Variants in POU6F2 observed in about 807,000 individuals in gnomAD.
POU6F2 encodes POU domain, class 6, transcription factor 2.
Under a neutral mutation model 71.3 loss-of-function variants are expected in POU6F2, and 31 were observed. That is an observed-to-expected ratio of 0.43 (90% confidence interval 0.33 to 0.59). POU6F2 has a LOEUF of 0.59. Ranked by LOEUF, POU6F2 falls within the 20% of genes least tolerant of loss-of-function variation. The pLI, the probability that POU6F2 is intolerant of heterozygous loss-of-function variation, is 0.04. For synonymous variants in POU6F2, 347 were observed against 355.7 expected, an observed-to-expected ratio of 0.98 and a Z score of 0.27; for missense variants, 783 against 856.8, an observed-to-expected ratio of 0.91 and a Z score of 1.07.
intron 2 of POU6F2, among the ~76,000 whole-genome samples, chr7:39,116,633 G>T (rs1791936025): frequency 6.6e-6 from 1 of 152,080 alleles, no homozygotes; most frequent in African/African-American, 2.4e-5. Context: ...GGCCCCCAAA[G>T]GCTTTCTCTT....
intron 4 of POU6F2, among the ~76,000 whole-genome samples, chr7:39,241,281 G>C (rs1489935429): frequency 6.6e-6 from 1 of 152,168 alleles, no homozygotes; most frequent in Non-Finnish European, 1.5e-5. Flanking sequence ...TCAATGGAGA[G>C]TGATTGCTCC....
At chr7:39,308,070 C>A (rs1438604830) in intron 4 of POU6F2, among the ~76,000 whole-genome samples, 1 of 152,136 alleles carries the variant, frequency 6.6e-6, no homozygotes, top group African/African-American at 2.4e-5. Flanking sequence ...CAGGTGCCAC[C>A]GAACAAAGTC....
intron 1 of POU6F2, among the ~76,000 whole-genome samples, chr7:38,998,074 A>G (rs1324341135): frequency 6.6e-6 from 1 of 152,178 alleles, no homozygotes; most frequent in Non-Finnish European, 1.5e-5. Flanking sequence ...ATTCTTTGCA[A>G]AATTCTTTTT....
At chr7:39,180,119 C>A (rs1366232482) in intron 2 of POU6F2, among the ~76,000 whole-genome samples, 1 of 152,098 alleles carries the variant, frequency 6.6e-6, no homozygotes, top group African/African-American at 2.4e-5. Flanking sequence ...GCTGGAGAGG[C>A]AAATTGGCTG....
intron 4 of POU6F2, among the ~76,000 whole-genome samples, chr7:39,333,374 A>C (rs1360565495): frequency 6.6e-6 from 1 of 152,112 alleles, no homozygotes; most frequent in South Asian, 2.1e-4. Context: ...CCAGATGTCT[A>C]TTTCTTTTCT....
At chr7:38,986,083 TG>T (rs781140841) in intron 1 of POU6F2, among the ~76,000 whole-genome samples, 11 of 152,144 alleles carry the variant, frequency 7.2e-5, no homozygotes, top group Non-Finnish European at 1.0e-4. Flanking sequence ...TTAAACATTT[TG>T]GGAATACTTG....
At chr7:39,454,703 TATATATATATATATATATATATATAA>T (rs1562559089) in intron 8 of POU6F2, among the ~76,000 whole-genome samples, 4 of 64,346 alleles carry the variant, frequency 6.2e-5, no homozygotes, top group South Asian at 6.2e-4. Context: ...TATATATATA[TATATATATATATATATATATATATAA>T]AATAAGATAT....
intron 4 of POU6F2, among the ~76,000 whole-genome samples, chr7:39,330,144 C>A (rs556954566): frequency 6.6e-6 from 1 of 152,258 alleles, no homozygotes; most frequent in African/African-American, 2.4e-5. Context: ...AGTTTACCTC[C>A]GTATTTCCAA....
At chr7:39,344,642 C>A (rs1209341119) in intron 5 of POU6F2, among the ~76,000 whole-genome samples, 1 of 102,716 alleles carries the variant, frequency 9.7e-6, no homozygotes, top group Non-Finnish European at 2.1e-5. Context: ...TGTCCTAGGC[C>A]AAACCCCCTC....
At chr7:39,423,271 G>A (rs1787894713) in intron 6 of POU6F2, among the ~76,000 whole-genome samples, 1 of 152,136 alleles carries the variant, frequency 6.6e-6, no homozygotes. Context: ...CTGCCTACAG[G>A]GAGCCTAGGT....
intron 4 of POU6F2, among the ~76,000 whole-genome samples, chr7:39,233,898 A>G (rs1584616247): frequency 1.3e-5 from 2 of 152,138 alleles, no homozygotes; most frequent in South Asian, 2.1e-4. Flanking sequence ...AAATCAGAGC[A>G]TGGGGATATT....
chr7:39,067,872 C>T (rs955755765), intron 1 of POU6F2, among the ~76,000 whole-genome samples: 6 of 151,996 alleles, frequency 3.9e-5, no homozygotes, highest in Non-Finnish European at 7.4e-5. Flanking sequence ...AATAAAATGC[C>T]ACTTTCCATC....
At chr7:38,999,849 T>C (rs2128699187) in intron 1 of POU6F2, among the ~76,000 whole-genome samples, 1 of 152,324 alleles carries the variant, frequency 6.6e-6, no homozygotes, top group African/African-American at 2.4e-5. Context: ...GAAAAGGGGA[T>C]CAATTCAACA....
Position 39,437,230 on chromosome 7 carries a change from A to C in POU6F2, c.1320+3947A>C, listed in dbSNP as rs746505020. 2.6e-4 allele frequency among the ~76,000 whole-genome samples: 40 copies of C among 152,314 alleles called. 1 individual carries two copies. The highest frequency in any genetic ancestry group is 6.8e-3 in the Middle Eastern group (2 of 294). ...CCTTTTTGTATTTCTGGTAGAATTC[A>C]GCTGTGACTCCATGTGGTCCTGGGC... On this transcript the variant is annotated intron_variant, in intron 7 of 9. Coordinates refer to ENST00000518318, the MANE Select transcript of POU6F2 (RefSeq NM_001370959.1).
At chr7:39,064,915 T>A (rs1055417820) in intron 1 of POU6F2, among the ~76,000 whole-genome samples, 8 of 151,762 alleles carry the variant, frequency 5.3e-5, no homozygotes, top group African/African-American at 1.7e-4. Flanking sequence ...GACTTAAAAA[T>A]ACATAAAGCA....
intron 4 of POU6F2, among the ~76,000 whole-genome samples, chr7:39,321,559 T>C (rs1281471251): frequency 1.3e-5 from 2 of 152,090 alleles, no homozygotes; most frequent in Admixed American, 1.3e-4. Context: ...TCTCTGGAGA[T>C]GTGGGGAGAC....
chr7:39,085,580 T>G (rs1056619035), intron 1 of POU6F2, among the ~76,000 whole-genome samples: 3 of 151,950 alleles, frequency 2.0e-5, no homozygotes, highest in African/African-American at 7.2e-5. Context: ...CAAAGAAGTT[T>G]TTTTTTTTTT....
At chr7:39,091,450 T>A (rs1791362267) in intron 2 of POU6F2, among the ~76,000 whole-genome samples, 1 of 152,174 alleles carries the variant, frequency 6.6e-6, no homozygotes, top group Non-Finnish European at 1.5e-5. Context: ...TTCTCCCCTT[T>A]TATTTTGATT....
chr7:39,200,853 GA>G (rs1562743922), intron 2 of POU6F2, among the ~76,000 whole-genome samples: 5 of 44,872 alleles, frequency 1.1e-4, no homozygotes, highest in African/African-American at 4.9e-4. Context: ...GTACCAACAA[GA>G]AAAAAAGAAA....
Sources: allele counts gnomAD v4.1 joint callset (sites outside exome capture counted in the v4.1 genomes callset), GRCh38; gene constraint gnomAD v4.1.1; transcripts MANE v1.5; gene names NCBI Gene and HGNC (gene_info 2026-07-23, HGNC 2026-07-21).